The following SNX7 variants were observed in gnomAD, a reference collection of about 807,000 sequenced individuals.
The protein encoded by SNX7 is sorting nexin 7, also known as sorting nexin-7.
SNX7 carries 35 observed loss-of-function variants against 48.4 expected under a neutral mutation model. The ratio of observed to expected loss-of-function variants is 0.72; its 90% CI spans 0.55 to 0.96. The LOEUF (loss-of-function observed/expected upper bound fraction) is 0.96, where lower values mean the gene tolerates loss of function less well. Among genes scored for constraint, SNX7 ranks in the 40% least tolerant of loss-of-function variants. SNX7 has a pLI of 0.00. For synonymous variants in SNX7, 190 were observed against 190.2 expected, an observed-to-expected ratio of 1.00 and a Z score of 0.01; for missense variants, 553 against 548.9, an observed-to-expected ratio of 1.01 and a Z score of -0.07.
intron 7 of SNX7, among the ~76,000 whole-genome samples, chr1:98,730,693 A>C (rs1653463922): frequency 2.0e-5 from 3 of 152,096 alleles, no homozygotes; most frequent in Admixed American, 2.0e-4. Flanking sequence ...TACAGCTAAC[A>C]AAAGAAGTGA....
intron 2 of SNX7, among the ~76,000 whole-genome samples, chr1:98,687,103 A>G (rs1271351837): frequency 6.6e-6 from 1 of 152,154 alleles, no homozygotes; most frequent in Non-Finnish European, 1.5e-5. Context: ...TGTGCCAGGT[A>G]ATATTCTAAC....
chr1:98,694,390 A>AT (rs1553199746), intron 4 of SNX7, among the ~76,000 whole-genome samples: 4 of 150,206 alleles, frequency 2.7e-5, no homozygotes, highest in Non-Finnish European at 5.9e-5. Flanking sequence ...AAAAAAAAAA[A>AT]GTTTTCTCTG....
chr1:98,667,271 T>G (rs187557946), intron 1 of SNX7, among the ~76,000 whole-genome samples: 54 of 152,348 alleles, frequency 3.5e-4, no homozygotes, highest in Admixed American at 1.2e-3. Flanking sequence ...AGAAGTAGAC[T>G]ATGGAATTTA....
chr1:98,739,707 G>C (rs1387519539), intron 8 of SNX7, among the ~76,000 whole-genome samples: 1 of 152,192 alleles, frequency 6.6e-6, no homozygotes, highest in Non-Finnish European at 1.5e-5. Context: ...GTGAGAAATG[G>C]AGTTGGAGCA....
rs199499774 is a variant in SNX7, at chr1:98,738,325, T to C, written c.1214T>C (p.Met405Thr). The change falls in exon 8 of 9, where the codon ATG becomes ACG. Residue 405 changes from methionine (M) to threonine (T), a missense_variant. Coordinates refer to ENST00000306121, the MANE Select transcript of SNX7 (RefSeq NM_015976.5). The part of the protein sequence containing the change: ...KADWERWKQN[M>T]QNDIKLAFTD... ...GATTGGGAGAGATGGAAACAAAATATGCAAAATGATATCAAGTTAGCATTT... is the reference window on the plus strand; with the variant it reads ...GATTGGGAGAGATGGAAACAAAATACGCAAAATGATATCAAGTTAGCATTT... 83 of 1,613,476 alleles carry C rather than the reference T, an allele frequency of 5.1e-5. No homozygotes were observed. The highest frequency in any genetic ancestry group is 6.3e-5 in the Non-Finnish European group (74 of 1,179,702).
At chr1:98,718,576 T>C (rs1332317571) in intron 7 of SNX7, among the ~76,000 whole-genome samples, 1 of 152,064 alleles carries the variant, frequency 6.6e-6, no homozygotes, top group Non-Finnish European at 1.5e-5. Context: ...AACCCCAAAT[T>C]ATGATTTATT....
intron 6 of SNX7, 54 bp downstream of exon 6, chr1:98,698,959 C>G (rs1023058630): frequency 5.2e-6 from 8 of 1,531,250 alleles, no homozygotes; most frequent in Middle Eastern, 3.5e-4. Flanking sequence ...TTATAAGCTC[C>G]ATAAAGGCAA....
At chr1:98,667,654 T>C (rs1213085252) in intron 1 of SNX7, among the ~76,000 whole-genome samples, 3 of 151,978 alleles carry the variant, frequency 2.0e-5, no homozygotes, top group Admixed American at 2.0e-4. Flanking sequence ...AGTGCTGAGA[T>C]TGCAGGTGTG....
chr1:98,700,671 A>G (rs538404769), intron 6 of SNX7, among the ~76,000 whole-genome samples: 1 of 152,078 alleles, frequency 6.6e-6, no homozygotes, highest in Admixed American at 6.5e-5. Flanking sequence ...CTTTCTTCCA[A>G]AGTGCTGAGA....
intron 7 of SNX7, among the ~76,000 whole-genome samples, chr1:98,731,632 T>G (rs1653518563): frequency 6.6e-6 from 1 of 152,154 alleles, no homozygotes; most frequent in African/African-American, 2.4e-5. Context: ...CCTTGAGATG[T>G]CATACTCTGC....
At chr1:98,726,804 A>C (rs1653198635) in intron 7 of SNX7, among the ~76,000 whole-genome samples, 1 of 152,208 alleles carries the variant, frequency 6.6e-6, no homozygotes, top group East Asian at 1.9e-4. Context: ...TGTGAATCTT[A>C]AGTCCCTGCT....
At chr1:98,755,939 TGA>T (rs749206360) in intron 8 of SNX7, among the ~76,000 whole-genome samples, 18 of 152,058 alleles carry the variant, frequency 1.2e-4, no homozygotes, top group Non-Finnish European at 2.5e-4. Context: ...TTGATATATT[TGA>T]GTCTTTTATC....
At chr1:98,723,148 A>G (rs1181116459) in intron 7 of SNX7, among the ~76,000 whole-genome samples, 3 of 152,216 alleles carry the variant, frequency 2.0e-5, no homozygotes, top group Admixed American at 6.5e-5. Flanking sequence ...GGACTGAGAT[A>G]GGAAATAGCA....
chr1:98,663,954 A>G (rs1488809938), intron 1 of SNX7, among the ~76,000 whole-genome samples: 2 of 152,190 alleles, frequency 1.3e-5, no homozygotes, highest in African/African-American at 4.8e-5. Flanking sequence ...AGCCACTTTC[A>G]TCCATTTCAG....
At chr1:98,691,512 C>G (rs764845672) in intron 3 of SNX7, 23 bp from the exon 4 acceptor site, 23 of 1,546,370 alleles carry the variant, frequency 1.5e-5, no homozygotes, top group Non-Finnish European at 1.7e-5. Context: ...ACTTGAATAC[C>G]TTTTTAATTT....
At chr1:98,674,546 T>C (rs4411174) in intron 1 of SNX7, among the ~76,000 whole-genome samples, 135,633 of 152,172 alleles carry the variant, frequency 0.89, 61,310 homozygotes, top group Non-Finnish European at 0.96. Context: ...ATTTTAACTT[T>C]ATCAGATCTG....
At chr1:98,732,822 G>C (rs1402843677) in intron 7 of SNX7, among the ~76,000 whole-genome samples, 1 of 152,100 alleles carries the variant, frequency 6.6e-6, no homozygotes, top group Non-Finnish European at 1.5e-5. Context: ...TTCCAAATCA[G>C]TTTAAGCATC....
intron 7 of SNX7, among the ~76,000 whole-genome samples, chr1:98,726,482 T>G (rs1280608302): frequency 6.6e-6 from 1 of 152,170 alleles, no homozygotes; most frequent in Non-Finnish European, 1.5e-5. Flanking sequence ...TCACCACATG[T>G]AGCAGAGCAC....
At chr1:98,663,577 T>A (rs1649385204) in intron 1 of SNX7, among the ~76,000 whole-genome samples, 1 of 152,072 alleles carries the variant, frequency 6.6e-6, no homozygotes, top group Non-Finnish European at 1.5e-5. Flanking sequence ...GTCGCAGATG[T>A]TCTAGGTGGG....
Sources: allele counts gnomAD v4.1 joint callset (sites outside exome capture counted in the v4.1 genomes callset), GRCh38; gene constraint gnomAD v4.1.1; transcripts MANE v1.5; gene names NCBI Gene and HGNC (gene_info 2026-07-23, HGNC 2026-07-21).